NIPAL3: variants seen among roughly 807,000 people sequenced by gnomAD.
The protein encoded by NIPAL3 is NIPA like domain containing 3.
In NIPAL3, 41 loss-of-function variants were observed where a neutral mutation model predicts 47.2. The observed-to-expected ratio is 0.87, with a 90% CI of 0.68 to 1.13. The LOEUF (loss-of-function observed/expected upper bound fraction) is 1.13. Among genes scored for constraint, NIPAL3 ranks in the 50% most tolerant of loss-of-function variants. The pLI, the probability that NIPAL3 is intolerant of heterozygous loss-of-function variation, is 0.00. For missense variants in NIPAL3, 449 were observed against 530.1 expected (o/e 0.85, Z 1.50); for synonymous variants, 194 against 209.6 (o/e 0.93, Z 0.64).
chr1:24,466,225 A>G lies in NIPAL3; in HGVS notation c.1021+2105A>G. The G allele has an allele frequency of 5.0e-6, 4 of 804,708 alleles. No individual in the cohort carries two copies. The East Asian group carries it at 8.2e-5, about 16-fold the overall frequency. 49.8% of individuals were successfully genotyped at this position (804,708 alleles called of 1,614,324 possible). ...AGAAACAATTTCACAGAACATCAGCAGCAGACAAGGCCACTCTGCAGCTGT... is the reference window on the plus strand; with the variant it reads ...AGAAACAATTTCACAGAACATCAGCGGCAGACAAGGCCACTCTGCAGCTGT... On this transcript the variant is annotated intron_variant, in intron 11 of 11. Transcript: ENST00000374399.
At chr1:24,443,037 C>T (rs545299173) in intron 4 of NIPAL3, among the ~76,000 whole-genome samples, 5 of 152,264 alleles carry the variant, frequency 3.3e-5, no homozygotes, top group African/African-American at 1.2e-4. Flanking sequence ...TTCTTGAGCT[C>T]AAACTATCTG....
intron 2 of NIPAL3, among the ~76,000 whole-genome samples, chr1:24,428,132 C>T (rs1294171877): frequency 1.8e-4 from 28 of 152,114 alleles, no homozygotes; most frequent in Non-Finnish European, 2.1e-4. Flanking sequence ...CCCAGCTACT[C>T]AGGAGGCTGA....
intron 10 of NIPAL3, among the ~76,000 whole-genome samples, chr1:24,463,103 G>A (rs1050484821): frequency 5.3e-5 from 8 of 151,970 alleles, no homozygotes; most frequent in Admixed American, 6.6e-5. Flanking sequence ...CAGGAGGATC[G>A]CTTGAACCTG....
chr1:24,457,575 A>G (rs1441298750), intron 8 of NIPAL3, among the ~76,000 whole-genome samples: 3 of 152,196 alleles, frequency 2.0e-5, no homozygotes, highest in Non-Finnish European at 4.4e-5. Flanking sequence ...GGTCCTTACA[A>G]CACTCCTTTG....
At position 24,419,287 on chromosome 1, in the gene NIPAL3, C is replaced by T. The variant is rs970816821; in HGVS notation, c.-257-4C>T. The T allele has an allele frequency of 1.0e-4, 121 of 1,188,610 alleles. 1 individual carries two copies. The Middle Eastern group carries it at 1.7e-3, about 16-fold the overall frequency. The allele number at this position is 1,188,610 out of a possible 1,614,324, so 73.6% of individuals were successfully genotyped here. On this transcript the variant is annotated splice_region_variant and splice_polypyrimidine_tract_variant and intron_variant, in intron 1 of 11. Coordinates refer to ENST00000374399, the MANE Select transcript of NIPAL3 (RefSeq NM_020448.5). Reference sequence around the variant, plus strand: ...ATTTTTAATGTTCCTCTCCACCACCCTAGAGCACCGCAAGAACTGGAAAAC... The same window carrying T: ...ATTTTTAATGTTCCTCTCCACCACCTTAGAGCACCGCAAGAACTGGAAAAC...
At chr1:24,421,538 T>C (rs1644332803) in intron 2 of NIPAL3, among the ~76,000 whole-genome samples, 1 of 152,212 alleles carries the variant, frequency 6.6e-6, no homozygotes, top group Non-Finnish European at 1.5e-5. Flanking sequence ...TAATTTTAGA[T>C]AATAATGATG....
At chr1:24,425,859 C>G (rs1644561521) in intron 2 of NIPAL3, among the ~76,000 whole-genome samples, 1 of 152,176 alleles carries the variant, frequency 6.6e-6, no homozygotes, top group Non-Finnish European at 1.5e-5. Context: ...TCCTACCCAG[C>G]CTTCCAGCGC....
At chr1:24,458,776 G>A in intron 8 of NIPAL3, 112 bp from the exon 9 acceptor site, 2 of 819,592 alleles carry the variant, frequency 2.4e-6, no homozygotes, top group East Asian at 2.6e-5. Context: ...GAAACCCAAG[G>A]AACATTCCTA....
chr1:24,425,098 T>G (rs1644514585), intron 2 of NIPAL3, among the ~76,000 whole-genome samples: 1 of 152,128 alleles, frequency 6.6e-6, no homozygotes, highest in African/African-American at 2.4e-5. Context: ...AGCAGGACAT[T>G]GACACTGTGG....
chr1:24,449,665 G>A lies in NIPAL3; in HGVS notation c.540+39G>A. On this transcript the variant is annotated intron_variant, in intron 6 of 11. Coordinates refer to ENST00000374399, the MANE Select transcript of NIPAL3 (RefSeq NM_020448.5). This position sits in a 1 kb window ranked among gnomAD's most constrained non-coding sequence, Gnocchi z 4.5. ...CCAGTCGTTCCCCCTGAGATGGCAG[G>A]AGGGAGATCAAGTCCTAGAAACCAG... 1 of 1,593,374 alleles carries A rather than the reference G, an allele frequency of 6.3e-7. No individual in the cohort carries two copies.
chr1:24,424,621 A>C (rs1224008996), intron 2 of NIPAL3, among the ~76,000 whole-genome samples: 1 of 152,224 alleles, frequency 6.6e-6, no homozygotes, highest in Non-Finnish European at 1.5e-5. Context: ...AAGGGAAATT[A>C]TTATAAGGCT....
chr1:24,421,815 G>C (rs1644346410), intron 2 of NIPAL3: 1 of 152,210 alleles, frequency 6.6e-6, no homozygotes, highest in Non-Finnish European at 1.5e-5. Context: ...CCACTTTAGA[G>C]ACAAGGAGAC....
Position 24,456,277 on chromosome 1 carries a change from A to G in NIPAL3, c.773+4A>G, listed in dbSNP as rs1646198680. On this transcript the variant is annotated splice_donor_region_variant and intron_variant, in intron 8 of 11. Coordinates refer to ENST00000374399, the MANE Select transcript of NIPAL3 (RefSeq NM_020448.5). ...CAACCGCCGTCTATCAGGCTGCGTG[A>G]GTTACAAATCCTTTTCCTGCTGGGC... 2.5e-6 allele frequency: 4 copies of G among 1,614,144 alleles called. No homozygotes were observed. Among genetic ancestry groups the G allele is most frequent in the Non-Finnish European group, 3.4e-6 (4 of 1,180,026 alleles).
chr1:24,449,433 T>C lies in NIPAL3; in HGVS notation c.395-48T>C, dbSNP rs1352931334. ...CATGGCTGAGAACGTGTACTGTATC[T>C]TGGGCCTGTTGTTGCAATGAGTCCG... On this transcript the variant is annotated intron_variant, in intron 5 of 11. Coordinates refer to ENST00000374399, the MANE Select transcript of NIPAL3 (RefSeq NM_020448.5). The surrounding 1 kb of genome is among the most constrained non-coding windows in gnomAD (Gnocchi z 4.5). 6.2e-7 allele frequency: 1 copy of C among 1,607,204 alleles called. No individual in the cohort carries two copies. Among genetic ancestry groups the C allele is most frequent in the Non-Finnish European group, 8.5e-7 (1 of 1,176,000 alleles).
intron 8 of NIPAL3, 93 bp from the exon 9 acceptor site, chr1:24,458,795 A>C: frequency 1.1e-6 from 1 of 932,288 alleles, no homozygotes; most frequent in South Asian, 1.3e-5. Flanking sequence ...TAAATGTATC[A>C]TCTTCATATT....
Position 24,446,463 on chromosome 1 carries a change from TC to T in NIPAL3, c.394+1224del, listed in dbSNP as rs1427283379. On this transcript the variant is annotated intron_variant, in intron 5 of 11. Transcript: ENST00000374399. ...TCCAACAAGCCCCAGTGTGTGTTGT[TC>T]CCCCACCATGTGTCCATGTGTTCTC... is the stretch of plus-strand genomic sequence containing the variant. Among the ~76,000 whole-genome samples the T allele has an allele frequency of 4.6e-5, 7 of 151,708 alleles. No homozygotes were observed. In the South Asian group the frequency reaches 8.4e-4, roughly 18 times the overall value.
intron 2 of NIPAL3, among the ~76,000 whole-genome samples, chr1:24,436,510 C>T (rs6661096): frequency 0.43 from 63,975 of 149,594 alleles, 14,946 homozygotes; most frequent in African/African-American, 0.64. Context: ...TTTTTTGAGA[C>T]GGAGTTTCAC....
chr1:24,468,147 C>T lies in NIPAL3; in HGVS notation c.1022-839C>T, dbSNP rs372914834. On this transcript the variant is annotated intron_variant, in intron 11 of 11. Transcript: ENST00000374399. ...ATGCTGAAACCCCATCTCTCCCCCT[C>T]AAAAAAACCCACAAAAAATTAGCCA... 2.0e-5 allele frequency among the ~76,000 whole-genome samples: 3 copies of T among 151,792 alleles called. No homozygotes were observed. In the South Asian group the frequency reaches 6.3e-4, roughly 32 times the overall value.
chr1:24,450,107 A>G (rs991633815), intron 6 of NIPAL3, among the ~76,000 whole-genome samples: 4 of 152,236 alleles, frequency 2.6e-5, no homozygotes, highest in African/African-American at 9.7e-5. Context: ...ATGAACTGCC[A>G]CTGTGCCCCA....
Sources: allele counts gnomAD v4.1 joint callset (sites outside exome capture counted in the v4.1 genomes callset), GRCh38; gene constraint gnomAD v4.1.1; non-coding constraint Gnocchi (gnomAD v3.1); transcripts MANE v1.5; gene names NCBI Gene and HGNC (gene_info 2026-07-23, HGNC 2026-07-21).